The following ARHGEF10 variants were observed in gnomAD, a reference collection of about 807,000 sequenced individuals.
ARHGEF10 encodes Rho guanine nucleotide exchange factor (GEF) 10.
In ARHGEF10, 140 loss-of-function variants were observed where a neutral mutation model predicts 147.4. The observed-to-expected ratio is 0.95, with a 90% CI of 0.83 to 1.09. ARHGEF10 has a LOEUF of 1.09. Among genes scored for constraint, ARHGEF10 ranks in the 50% least tolerant of loss-of-function variants. ARHGEF10 has a pLI of 0.00. For synonymous variants in ARHGEF10, 902 were observed against 695.8 expected, an observed-to-expected ratio of 1.30 and a Z score of -4.67; for missense variants, 2,222 against 1,752.7, an observed-to-expected ratio of 1.27 and a Z score of -4.78.
At chr8:1,898,340 C>A in intron 14 of ARHGEF10, 93 bp from the exon 15 acceptor site, 1 of 1,109,902 alleles carries the variant, frequency 9.0e-7, no homozygotes, top group Non-Finnish European at 1.4e-6. Context: ...TTGACTTTCC[C>A]GAGTGTTCAG....
At position 1,832,752 on chromosome 8, in the gene ARHGEF10, A is replaced by ACAGAGACAGAGG. The variant is rs1202749998; in HGVS notation, c.-48+8663_-48+8674dup. Among the ~76,000 whole-genome samples the ACAGAGACAGAGG allele has an allele frequency of 1.1e-3, 111 of 103,658 alleles. 6 individuals are homozygous for ACAGAGACAGAGG. Among genetic ancestry groups the ACAGAGACAGAGG allele is most frequent in the African/African-American group, 3.7e-3 (96 of 26,276 alleles). 68.0% of individuals were successfully genotyped at this position (103,658 alleles called of 152,430 possible). A position where few individuals can be genotyped will look rare whatever the true frequency, so the allele number is the denominator to read the frequency against. On this transcript the variant is annotated intron_variant, in intron 1 of 28. Coordinates refer to ENST00000349830, the MANE Select transcript of ARHGEF10 (RefSeq NM_014629.4). ...GACAGAGGCAGAGGCAGAGGCAGAG[A>ACAGAGACAGAGG]CAGAGACAGAGGCAGAGACAGAGGC...
intron 17 of ARHGEF10, among the ~76,000 whole-genome samples, chr8:1,908,576 G>A (rs544425460): frequency 2.4e-4 from 37 of 152,258 alleles, no homozygotes; most frequent in African/African-American, 7.9e-4. Flanking sequence ...AAAGCAAAAC[G>A]TGATGATCAC....
At chr8:1,882,174 C>A (rs1195072033) in intron 9 of ARHGEF10, among the ~76,000 whole-genome samples, 2 of 152,180 alleles carry the variant, frequency 1.3e-5, no homozygotes, top group South Asian at 4.1e-4. Flanking sequence ...GAGCTGGGTC[C>A]GTGTAACCAT....
chr8:1,863,025 C>T (rs1038690422), intron 4 of ARHGEF10, among the ~76,000 whole-genome samples: 3 of 151,958 alleles, frequency 2.0e-5, no homozygotes, highest in Non-Finnish European at 4.4e-5. Context: ...CCTCGTGATC[C>T]GCCCGCCTCA....
intron 18 of ARHGEF10, among the ~76,000 whole-genome samples, chr8:1,914,294 A>G (rs576202788): frequency 2.6e-5 from 4 of 152,228 alleles, no homozygotes; most frequent in Non-Finnish European, 5.9e-5. Context: ...ATGTGTGGCC[A>G]AGTGGCCGTT....
chr8:1,835,599 C>G (rs1372837215), intron 1 of ARHGEF10, among the ~76,000 whole-genome samples: 1 of 152,168 alleles, frequency 6.6e-6, no homozygotes, highest in Non-Finnish European at 1.5e-5. Flanking sequence ...GTGGAACGTC[C>G]CTGGGTCTTC....
chr8:1,880,999 C>T (rs1056897665), intron 9 of ARHGEF10, among the ~76,000 whole-genome samples: 13 of 152,236 alleles, frequency 8.5e-5, no homozygotes, highest in African/African-American at 2.6e-4. Flanking sequence ...TGGGACCTGC[C>T]GGAGGCTGCA....
At chr8:1,952,284 C>T (rs183081570) in intron 27 of ARHGEF10, among the ~76,000 whole-genome samples, 3 of 152,346 alleles carry the variant, frequency 2.0e-5, no homozygotes, top group East Asian at 3.9e-4. Flanking sequence ...AGAGACCTCT[C>T]CTCACTTGTA....
rs754066007 is a variant in ARHGEF10, at chr8:1,860,018, G to A, written c.315G>A (p.Pro105=). Residue 105 remains proline, a synonymous_variant, in exon 4 of 29, where the codon CCG becomes CCA. Transcript: ENST00000349830. ...TCACGCCATTCCAGGAGGACCAGCC[G>A]CCCACCCCCGTGCCCAGCGCTGAGG... ...IDITPFQEDQ[P]PTPVPSAEEE... The A allele has an allele frequency of 5.6e-6, 9 of 1,614,042 alleles. 1 individual carries two copies. The highest frequency in any genetic ancestry group is 3.3e-5 in the Admixed American group (2 of 60,014).
intron 17 of ARHGEF10, among the ~76,000 whole-genome samples, chr8:1,906,849 T>C (rs922032373): frequency 6.6e-5 from 10 of 152,250 alleles, no homozygotes; most frequent in African/African-American, 1.9e-4. Context: ...CAGGTTTTCA[T>C]TGTTGCTTTT....
At chr8:1,823,384 T>A (rs935107081), upstream of ARHGEF10, among the ~76,000 whole-genome samples, 1 of 56,676 alleles carries the variant, frequency 1.8e-5, no homozygotes, top group African/African-American at 6.8e-5. Context: ...GCGGGTCGGG[T>A]GGGGTCCCGA....
intron 13 of ARHGEF10, among the ~76,000 whole-genome samples, chr8:1,895,597 C>G (rs1285830759): frequency 2.0e-5 from 3 of 151,852 alleles, no homozygotes; most frequent in African/African-American, 7.3e-5. Context: ...ATATTAGGTT[C>G]AACCTTATCA....
chr8:1,838,402 G>A (rs527716059), intron 1 of ARHGEF10, among the ~76,000 whole-genome samples: 26 of 151,616 alleles, frequency 1.7e-4, no homozygotes, highest in African/African-American at 5.8e-4. Flanking sequence ...CCAGGCTGAC[G>A]AATGAAGGAG....
Position 1,866,603 on chromosome 8 carries a change from G to GT in ARHGEF10, c.622+2dup, listed in dbSNP as rs749391382. The stretch of plus-strand genomic sequence containing the variant: ...CCGGCCAACACAGCCTGGATGGAGA[G>GT]TAAGTTCCCCAGCTGCCCACAGCCA... On this transcript the variant is annotated splice_donor_variant, in intron 6 of 28. Transcript: ENST00000349830. LOFTEE classifies it high-confidence loss of function. 1 of 1,604,370 alleles carries GT rather than the reference G, an allele frequency of 6.2e-7. No homozygotes were observed. The highest frequency in any genetic ancestry group is 8.5e-7 in the Non-Finnish European group (1 of 1,179,944).
At chr8:1,907,826 C>G (rs920490759) in intron 17 of ARHGEF10, among the ~76,000 whole-genome samples, 1 of 152,100 alleles carries the variant, frequency 6.6e-6, no homozygotes, top group Admixed American at 6.5e-5. Flanking sequence ...CGACAGTGCC[C>G]GAAGGTGATG....
intron 14 of ARHGEF10, among the ~76,000 whole-genome samples, chr8:1,897,807 C>A (rs533083668): frequency 1.8e-4 from 27 of 152,318 alleles, no homozygotes; most frequent in African/African-American, 6.0e-4. Flanking sequence ...CTCCTCAGCT[C>A]GGTGGCTGCC....
At chr8:1,909,229 G>C in intron 17 of ARHGEF10, 66 bp from the exon 18 acceptor site, 4 of 1,597,734 alleles carry the variant, frequency 2.5e-6, no homozygotes, top group Non-Finnish European at 3.4e-6. Flanking sequence ...AACATCTGAG[G>C]GATGAACATT....
intron 5 of ARHGEF10, among the ~76,000 whole-genome samples, chr8:1,866,110 C>T (rs530579248): frequency 3.3e-5 from 5 of 152,336 alleles, no homozygotes; most frequent in African/African-American, 1.2e-4. Flanking sequence ...GCATCTCTTT[C>T]TCCCACTGAC....
rs574937177 is a variant in ARHGEF10 at position 1,826,818 on chromosome 8, T to C, written c.-48+2705T>C. Reference sequence around the variant, plus strand: ...AGATGCTCAGAGAATCTGTGTTTCATGCGTGCGTTGCTTATAGTTTGCCTG... The same window carrying C: ...AGATGCTCAGAGAATCTGTGTTTCACGCGTGCGTTGCTTATAGTTTGCCTG... On this transcript the variant is annotated intron_variant, in intron 1 of 28. Coordinates refer to ENST00000349830, the MANE Select transcript of ARHGEF10 (RefSeq NM_014629.4). Among the ~76,000 whole-genome samples the C allele has an allele frequency of 2.6e-5, 4 of 152,346 alleles. No individual in the cohort carries two copies. The South Asian group carries it at 8.3e-4, about 32-fold the overall frequency.
Sources: gnomAD v4.1 joint callset for allele counts (sites outside exome capture counted in the v4.1 genomes callset) on GRCh38, gnomAD v4.1.1 for gene constraint, MANE v1.5 for transcripts, NCBI Gene and HGNC (gene_info 2026-07-23, HGNC 2026-07-21) for gene names.